Variants in AGBL1 observed in about 807,000 individuals in gnomAD.
The protein encoded by AGBL1 is AGBL carboxypeptidase 1.
Under a neutral mutation model 118.9 loss-of-function variants are expected in AGBL1, and 130 were observed. The observed-to-expected ratio is 1.09, with a 90% CI of 0.95 to 1.26. The LOEUF (loss-of-function observed/expected upper bound fraction) is 1.26, where lower values mean the gene tolerates loss of function less well. Among genes scored for constraint, AGBL1 ranks in the 50% most tolerant of loss-of-function variants. The pLI is 0.00. For synonymous variants in AGBL1, 555 were observed against 478.9 expected (o/e 1.16, Z -2.08); for missense variants, 1,584 against 1,298.1 (o/e 1.22, Z -3.38).
intron 20 of AGBL1, among the ~76,000 whole-genome samples, chr15:86,554,088 G>A (rs989975255): frequency 1.3e-5 from 2 of 151,888 alleles, no homozygotes; most frequent in African/African-American, 2.4e-5. Flanking sequence ...TTGAACTCCC[G>A]CCCTCAGGTG....
chr15:86,397,957 A>T (rs2081392737), intron 18 of AGBL1, among the ~76,000 whole-genome samples: 1 of 152,206 alleles, frequency 6.6e-6, no homozygotes, highest in Admixed American at 6.6e-5. Flanking sequence ...TGTCCAAATC[A>T]CATGGTGGGT....
At chr15:86,778,855 T>C (rs2078294379) in intron 22 of AGBL1, among the ~76,000 whole-genome samples, 1 of 152,220 alleles carries the variant, frequency 6.6e-6, no homozygotes, top group South Asian at 2.1e-4. Context: ...GGATATTGAT[T>C]GGCGAAGTGA....
intron 18 of AGBL1, among the ~76,000 whole-genome samples, chr15:86,491,415 C>T (rs903211959): frequency 6.6e-6 from 1 of 152,068 alleles, no homozygotes; most frequent in African/African-American, 2.4e-5. Flanking sequence ...GCTAAGGGAT[C>T]CTTTCTGACT....
At position 86,739,443 on chromosome 15, in the gene AGBL1, C is replaced by CAAA. The variant is rs34530266; in HGVS notation, c.3158+65027_3158+65029dup. 4.3e-3 allele frequency among the ~76,000 whole-genome samples: 281 copies of CAAA among 65,438 alleles called. 4 individuals are homozygous for CAAA. Among genetic ancestry groups the CAAA allele is most frequent in the East Asian group, 0.022 (51 of 2,280 alleles). The allele number at this position is 65,438 out of a possible 152,430, so 42.9% of individuals were successfully genotyped here. ...GGGCAACAAGAGCGAAACTCCATCTCAAAAAAAAAAAAAAAAAAAAAAGTA... is the reference window on the plus strand; with the variant it reads ...GGGCAACAAGAGCGAAACTCCATCTCAAAAAAAAAAAAAAAAAAAAAAAAAGTA... On this transcript the variant is annotated intron_variant, in intron 22 of 22. Coordinates refer to ENST00000614907, the MANE Select transcript of AGBL1 (RefSeq NM_001386094.1).
intron 8 of AGBL1, 121 bp from the exon 9 acceptor site, chr15:86,257,843 T>C (rs1212829957): frequency 1.1e-6 from 1 of 901,666 alleles, no homozygotes; most frequent in African/African-American, 1.7e-5. Context: ...ATTGTGCAAT[T>C]AATATTGGGC....
intron 21 of AGBL1, among the ~76,000 whole-genome samples, chr15:86,666,606 C>A (rs2085649396): frequency 6.6e-6 from 1 of 152,068 alleles, no homozygotes; most frequent in South Asian, 2.1e-4. Flanking sequence ...ATAGTTTTAA[C>A]AAGGACTGTG....
intron 23 of AGBL1, among the ~76,000 whole-genome samples, chr15:86,962,133 A>G (rs1406570694): frequency 1.3e-5 from 2 of 152,172 alleles, no homozygotes. Flanking sequence ...ACAGCCAACC[A>G]ATAAGTTTAG....
chr15:86,860,197 G>A (rs2079541859), intron 22 of AGBL1, among the ~76,000 whole-genome samples: 1 of 151,972 alleles, frequency 6.6e-6, no homozygotes, highest in Non-Finnish European at 1.5e-5. Flanking sequence ...GTCAAGGGAG[G>A]GCAATGAAGC....
intron 17 of AGBL1, among the ~76,000 whole-genome samples, chr15:86,381,766 C>T (rs2081116080): frequency 1.3e-5 from 2 of 152,026 alleles, no homozygotes; most frequent in African/African-American, 4.8e-5. Context: ...AAGGAGGGGC[C>T]TGTGCAAAGA....
intron 19 of AGBL1, among the ~76,000 whole-genome samples, chr15:86,536,740 A>G (rs1376923664): frequency 6.6e-6 from 1 of 152,186 alleles, no homozygotes; most frequent in Non-Finnish European, 1.5e-5. Context: ...ATAGGAGGGT[A>G]ACCGCTTAGA....
chr15:87,030,367 G>C (rs1200363411), downstream of AGBL1, among the ~76,000 whole-genome samples: 1 of 151,922 alleles, frequency 6.6e-6, no homozygotes, highest in Non-Finnish European at 1.5e-5. Context: ...CAAATTCTTA[G>C]ATATAATTTT....
chr15:86,907,630 C>T lies in AGBL1; in HGVS notation c.*336C>T, dbSNP rs1257904663. On this transcript the variant is annotated 3_prime_UTR_variant, in exon 23 of 23. Coordinates refer to ENST00000614907, the MANE Select transcript of AGBL1 (RefSeq NM_001386094.1). ...CTCCATTCTTGTGCTTGAACTGGAG[C>T]AAGCTGGAAGTAGAGGAGTTGGGCT... The T allele has an allele frequency of 2.0e-5, 3 of 152,160 alleles. No homozygotes were observed. The highest frequency in any genetic ancestry group is 7.2e-5 in the African/African-American group (3 of 41,438). 9.4% of individuals were successfully genotyped at this position (152,160 alleles called of 1,614,324 possible). A position where few individuals can be genotyped will look rare whatever the true frequency, so the allele number is the denominator to read the frequency against.
chr15:86,886,443 C>A lies in AGBL1; in HGVS notation c.3159-20644C>A, dbSNP rs138480841. Among the ~76,000 whole-genome samples, 272 of 152,224 alleles carry A rather than the reference C, an allele frequency of 1.8e-3. 7 individuals are homozygous for A. The East Asian group carries it at 0.036, about 20-fold the overall frequency. On this transcript the variant is annotated intron_variant, in intron 22 of 22. Coordinates refer to ENST00000614907, the MANE Select transcript of AGBL1 (RefSeq NM_001386094.1). ...GAAAGCAGCAGAGATATTTGGTTAT[C>A]CCTAATCTGGAAGTGGAGTGTATAT... is the stretch of plus-strand genomic sequence containing the variant.
intron 21 of AGBL1, among the ~76,000 whole-genome samples, chr15:86,596,208 C>T (rs960026696): frequency 2.0e-5 from 3 of 151,944 alleles, no homozygotes; most frequent in Admixed American, 6.6e-5. Flanking sequence ...CTCAGGAGGT[C>T]GAGGTGGGAG....
chr15:86,845,288 T>A (rs950712966), intron 22 of AGBL1, among the ~76,000 whole-genome samples: 2 of 152,044 alleles, frequency 1.3e-5, no homozygotes, highest in Admixed American at 6.6e-5. Context: ...TGAATAAGGG[T>A]GGTTAATTTT....
At chr15:86,343,986 TATATTTCACAAGGTAGC>T (rs1263914354) in intron 17 of AGBL1, among the ~76,000 whole-genome samples, 3 of 152,208 alleles carry the variant, frequency 2.0e-5, no homozygotes, top group Non-Finnish European at 4.4e-5. Flanking sequence ...TGAAAAAACC[TATATTTCACAAGGTAGC>T]ATATTTTTGT....
At chr15:86,562,599 A>T (rs527240101) in intron 21 of AGBL1, among the ~76,000 whole-genome samples, 1 of 152,274 alleles carries the variant, frequency 6.6e-6, no homozygotes, top group African/African-American at 2.4e-5. Context: ...TTGGTCTAAA[A>T]TTCTCTTTTT....
chr15:86,590,762 A>G (rs1385218204), intron 21 of AGBL1, among the ~76,000 whole-genome samples: 2 of 152,212 alleles, frequency 1.3e-5, no homozygotes, highest in Non-Finnish European at 2.9e-5. Context: ...CAGGTTCCCT[A>G]CAGATGATGT....
intron 22 of AGBL1, among the ~76,000 whole-genome samples, chr15:86,827,384 C>T (rs1217631058): frequency 6.5e-4 from 7 of 10,834 alleles, no homozygotes; most frequent in Admixed American, 1.3e-3. Flanking sequence ...TATATATATA[C>T]ACATATATAT....
Sources: gnomAD v4.1 joint callset for allele counts (sites outside exome capture counted in the v4.1 genomes callset) on GRCh38, gnomAD v4.1.1 for gene constraint, MANE v1.5 for transcripts, NCBI Gene and HGNC (gene_info 2026-07-23, HGNC 2026-07-21) for gene names.